PLCG2: variants seen among roughly 807,000 people sequenced by gnomAD.
The protein encoded by PLCG2 is phospholipase C gamma 2.
In PLCG2, 69 loss-of-function variants were observed where a neutral mutation model predicts 175.6. The observed-to-expected ratio is 0.39, with a 90% CI of 0.32 to 0.48. PLCG2 has a LOEUF of 0.48. PLCG2 is among the 20% of genes least tolerant of loss of function. PLCG2 has a pLI of 0.91. For missense variants in PLCG2, 1,798 were observed against 1,650.9 expected, an observed-to-expected ratio of 1.09 and a Z score of -1.54; for synonymous variants, 827 against 624.0, an observed-to-expected ratio of 1.33 and a Z score of -4.85.
intron 2 of PLCG2, among the ~76,000 whole-genome samples, chr16:81,791,988 G>A: frequency 6.6e-6 from 1 of 152,158 alleles, no homozygotes; most frequent in East Asian, 1.9e-4. Flanking sequence ...CACCAACTCA[G>A]ATCAGCAAGC....
At chr16:81,811,947 T>C (rs1904337327) in intron 2 of PLCG2, among the ~76,000 whole-genome samples, 1 of 152,098 alleles carries the variant, frequency 6.6e-6, no homozygotes. Flanking sequence ...ATTGCAACGC[T>C]GTCTTCCACA....
intron 2 of PLCG2, among the ~76,000 whole-genome samples, chr16:81,851,673 C>T (rs186006811): frequency 1.3e-5 from 2 of 152,330 alleles, no homozygotes; most frequent in East Asian, 1.9e-4. Context: ...CCACCAAGCC[C>T]AGCTACTTTT....
At position 81,960,863 on chromosome 16, in the gene PLCG2, A is replaced by G; in HGVS notation, c.*2865A>G. On this transcript the variant is annotated 3_prime_UTR_variant, in exon 33 of 33. Coordinates refer to ENST00000564138, the MANE Select transcript of PLCG2 (RefSeq NM_002661.5). ...ACACAGACTCCAGTACTCTCAGGGG[A>G]GCAGTGTTCAGAGCCTCATCTTCCT... 1 of 229,830 alleles carries G rather than the reference A, an allele frequency of 4.4e-6. No individual in the cohort carries two copies. The highest frequency in any genetic ancestry group is 2.2e-5 in the African/African-American group (1 of 45,288). 14.2% of individuals were successfully genotyped at this position (229,830 alleles called of 1,614,324 possible). A position where few individuals can be genotyped will look rare whatever the true frequency, so the allele number is the denominator to read the frequency against.
At chr16:81,752,971 C>T (rs1469372246) in intron 1 of PLCG2, among the ~76,000 whole-genome samples, 1 of 152,232 alleles carries the variant, frequency 6.6e-6, no homozygotes. Flanking sequence ...TGGAGACCAA[C>T]CACGGTACTT....
At chr16:81,812,486 C>G (rs1904362496) in intron 2 of PLCG2, among the ~76,000 whole-genome samples, 1 of 152,138 alleles carries the variant, frequency 6.6e-6, no homozygotes, top group Non-Finnish European at 1.5e-5. Flanking sequence ...TAAATGTCTT[C>G]TTTTGAGAAG....
chr16:81,764,521 A>ATTGAT (rs1910104057), intron 2 of PLCG2, among the ~76,000 whole-genome samples: 1 of 152,188 alleles, frequency 6.6e-6, no homozygotes, highest in Admixed American at 6.6e-5. Flanking sequence ...CTTTTGCGAC[A>ATTGAT]CTGATCACTG....
At chr16:81,953,439 T>A (rs771294899) in intron 31 of PLCG2, among the ~76,000 whole-genome samples, 81 of 152,150 alleles carry the variant, frequency 5.3e-4, no homozygotes, top group Non-Finnish European at 1.0e-3. Flanking sequence ...GCTTCCAACA[T>A]AAAACAATTT....
chr16:81,781,446 C>G (rs144227079), intron 1 of PLCG2, among the ~76,000 whole-genome samples: 14 of 151,744 alleles, frequency 9.2e-5, no homozygotes, highest in African/African-American at 3.1e-4. Context: ...TCTATTGCAA[C>G]TATTGCTTCC....
intron 2 of PLCG2, among the ~76,000 whole-genome samples, chr16:81,805,784 T>TTTTTTTTTTTTTTTTTTTTTTTTG (rs1911992204): frequency 1.2e-4 from 1 of 8,460 alleles, no homozygotes; most frequent in Non-Finnish European, 1.2e-3. Flanking sequence ...TTTTTTTTTG[T>TTTTTTTTTTTTTTTTTTTTTTTTG]TTTTTTTTTT....
chr16:81,900,900 A>G, intron 14 of PLCG2, 120 bp downstream of exon 14: 1 of 842,880 alleles, frequency 1.2e-6, no homozygotes, highest in Non-Finnish European at 1.8e-6. Context: ...CCCACTGCAC[A>G]GGCTCAAATC....
At chr16:81,837,719 A>AT (rs1373243102) in intron 2 of PLCG2, among the ~76,000 whole-genome samples, 1 of 121,138 alleles carries the variant, frequency 8.3e-6, no homozygotes, top group East Asian at 2.2e-4. Flanking sequence ...GATGCTGTGC[A>AT]TTTTTTTCCA....
intron 2 of PLCG2, among the ~76,000 whole-genome samples, chr16:81,787,454 C>A (rs1911027028): frequency 7.8e-6 from 1 of 128,082 alleles, no homozygotes; most frequent in African/African-American, 3.0e-5. Flanking sequence ...TCTCCAATTC[C>A]TGTGCTCAAG....
intron 2 of PLCG2, among the ~76,000 whole-genome samples, chr16:81,769,790 A>G (rs539495503): frequency 7.7e-6 from 1 of 130,096 alleles, no homozygotes; most frequent in South Asian, 2.5e-4. Context: ...ACTGCACTCC[A>G]GCCTGGGCGA....
intron 7 of PLCG2, among the ~76,000 whole-genome samples, chr16:81,877,309 A>G (rs1907844441): frequency 6.6e-6 from 1 of 151,972 alleles, no homozygotes; most frequent in South Asian, 2.1e-4. Context: ...AAAAAAAATT[A>G]GCTGGGCATA....
intron 18 of PLCG2, among the ~76,000 whole-genome samples, chr16:81,911,868 G>T (rs904270912): frequency 2.1e-5 from 3 of 142,098 alleles, no homozygotes; most frequent in African/African-American, 8.1e-5. Flanking sequence ...CATGATCTCG[G>T]CTCACTGCAA....
chr16:81,888,730 C>T (rs1324143876), intron 9 of PLCG2, among the ~76,000 whole-genome samples: 3 of 152,210 alleles, frequency 2.0e-5, no homozygotes, highest in African/African-American at 4.8e-5. Context: ...GATGTAACTA[C>T]TATGCCCCCA....
intron 2 of PLCG2, among the ~76,000 whole-genome samples, chr16:81,832,731 G>T (rs1370450585): frequency 1.3e-4 from 20 of 152,206 alleles, no homozygotes; most frequent in Non-Finnish European, 1.5e-5. Flanking sequence ...TTACACTTCT[G>T]TGAGTGGTAT....
intron 2 of PLCG2, among the ~76,000 whole-genome samples, chr16:81,771,681 C>G (rs1271191175): frequency 7.0e-6 from 1 of 142,774 alleles, no homozygotes; most frequent in African/African-American, 2.6e-5. Flanking sequence ...CCCCCCCCAA[C>G]CCCCCACCCA....
chr16:81,905,336 G>A (rs1031097485), intron 14 of PLCG2, 67 bp from the exon 15 acceptor site: 1 of 1,060,392 alleles, frequency 9.4e-7, no homozygotes, highest in African/African-American at 1.6e-5. Flanking sequence ...GCAGATGAAG[G>A]CTGCTGGCTC....
Sources: allele counts gnomAD v4.1 joint callset (sites outside exome capture counted in the v4.1 genomes callset), GRCh38; gene constraint gnomAD v4.1.1; transcripts MANE v1.5; gene names NCBI Gene and HGNC (gene_info 2026-07-23, HGNC 2026-07-21).